Variants in CNTN4 observed in about 807,000 individuals in gnomAD.
CNTN4 encodes the protein contactin 4, also known as contactin-4.
Under a neutral mutation model 122.5 loss-of-function variants are expected in CNTN4, and 77 were observed. The observed-to-expected ratio is 0.63, with a 90% CI of 0.52 to 0.76. The LOEUF is 0.76. Among genes scored for constraint, CNTN4 ranks in the 30% least tolerant of loss-of-function variants. The pLI is 0.00. For missense variants in CNTN4, 1,256 were observed against 1,259.1 expected, an observed-to-expected ratio of 1.00 and a Z score of 0.04; for synonymous variants, 512 against 447.0, an observed-to-expected ratio of 1.15 and a Z score of -1.83.
At chr3:2,988,579 G>A (rs1490465253) in intron 14 of CNTN4, 107 bp downstream of exon 14, 1 of 1,149,688 alleles carries the variant, frequency 8.7e-7, no homozygotes, top group Non-Finnish European at 1.3e-6. Context: ...AGATACCACT[G>A]TATTGCTAAA....
intron 13 of CNTN4, among the ~76,000 whole-genome samples, chr3:2,968,729 C>T (rs1276090231): frequency 1.3e-5 from 2 of 152,176 alleles, no homozygotes; most frequent in African/African-American, 2.4e-5. Flanking sequence ...GACTATATTG[C>T]ATGAGCTTAT....
chr3:2,616,352 C>G (rs2081737717), intron 4 of CNTN4, among the ~76,000 whole-genome samples: 1 of 152,064 alleles, frequency 6.6e-6, no homozygotes, highest in African/African-American at 2.4e-5. Context: ...TGTATATGTA[C>G]CACATTTTCT....
At chr3:2,693,973 C>T (rs999993109) in intron 4 of CNTN4, among the ~76,000 whole-genome samples, 3 of 152,218 alleles carry the variant, frequency 2.0e-5, no homozygotes, top group Admixed American at 2.0e-4. Context: ...TTCTAGGTGC[C>T]TTTCATCTTC....
At chr3:2,176,900 A>G (rs2036771248) in intron 2 of CNTN4, among the ~76,000 whole-genome samples, 1 of 152,174 alleles carries the variant, frequency 6.6e-6, no homozygotes, top group Admixed American at 6.6e-5. Context: ...TTGAGAAACA[A>G]CTTTCCTGTC....
intron 7 of CNTN4, among the ~76,000 whole-genome samples, chr3:2,842,594 C>A (rs1013707213): frequency 1.3e-5 from 2 of 152,190 alleles, no homozygotes; most frequent in East Asian, 3.8e-4. Context: ...ATCTCTACAT[C>A]TTCTCTTTCA....
At chr3:3,044,567 C>G (rs1700450077) in intron 23 of CNTN4, among the ~76,000 whole-genome samples, 1 of 152,154 alleles carries the variant, frequency 6.6e-6, no homozygotes, top group Non-Finnish European at 1.5e-5. Context: ...ACATAGTTGT[C>G]AGCTTCAAGA....
intron 15 of CNTN4, among the ~76,000 whole-genome samples, chr3:3,026,678 G>T (rs531381343): frequency 1.2e-4 from 18 of 152,236 alleles, no homozygotes; most frequent in African/African-American, 4.3e-4. Flanking sequence ...GTTTCCTTCT[G>T]TTTTTAGGCT....
intron 7 of CNTN4, among the ~76,000 whole-genome samples, chr3:2,850,657 C>T (rs539582498): frequency 1.5e-4 from 23 of 152,118 alleles, no homozygotes; most frequent in Non-Finnish European, 3.1e-4. Context: ...ATTCTTCCTC[C>T]CTTACATTGG....
intron 4 of CNTN4, among the ~76,000 whole-genome samples, chr3:2,673,772 G>A (rs563268268): frequency 9.1e-4 from 138 of 152,220 alleles, no homozygotes; most frequent in Admixed American, 2.6e-3. Flanking sequence ...TTGATTTCCC[G>A]ACCTCGTGAT....
intron 12 of CNTN4, among the ~76,000 whole-genome samples, chr3:2,914,192 C>T (rs887853633): frequency 6.6e-6 from 1 of 151,998 alleles, no homozygotes; most frequent in African/African-American, 2.4e-5. Flanking sequence ...TACATGCTTA[C>T]ATTAAAAAAG....
At chr3:2,961,058 G>A (rs1228005865) in intron 13 of CNTN4, among the ~76,000 whole-genome samples, 2 of 143,786 alleles carry the variant, frequency 1.4e-5, no homozygotes, top group East Asian at 2.2e-4. Flanking sequence ...GTGAAACCCC[G>A]TCTCTACTAA....
At chr3:2,314,464 C>T (rs76267100) in intron 2 of CNTN4, among the ~76,000 whole-genome samples, 1,950 of 151,838 alleles carry the variant, frequency 0.013, 48 homozygotes, top group African/African-American at 0.044. Context: ...GTTGGCATTT[C>T]GGTGAAGCTG....
Position 2,385,575 on chromosome 3 carries a change from C to A in CNTN4, c.-89+46342C>A, listed in dbSNP as rs192549224. Among the ~76,000 whole-genome samples, 1 of 152,034 alleles carries A rather than the reference C, an allele frequency of 6.6e-6. No individual in the cohort carries two copies. The highest frequency in any genetic ancestry group is 2.1e-4 in the South Asian group (1 of 4,820). Reference sequence around the variant, plus strand: ...ATCAGGTGTTGGTAGGGCTGTGCTCCGTCTGTAACCTCTAGGGGAGGGTCG... The same window carrying A: ...ATCAGGTGTTGGTAGGGCTGTGCTCAGTCTGTAACCTCTAGGGGAGGGTCG... On this transcript the variant is annotated intron_variant, in intron 3 of 24. Transcript: ENST00000418658. This position sits in a 1 kb window ranked among gnomAD's most constrained non-coding sequence, Gnocchi z 4.0.
intron 6 of CNTN4, among the ~76,000 whole-genome samples, chr3:2,753,970 G>A (rs2090214547): frequency 6.6e-6 from 1 of 152,132 alleles, no homozygotes; most frequent in Non-Finnish European, 1.5e-5. Context: ...TAAAAGTTAA[G>A]ATGCAGATTT....
chr3:2,319,792 C>T (rs561270481), intron 2 of CNTN4, among the ~76,000 whole-genome samples: 9 of 152,102 alleles, frequency 5.9e-5, no homozygotes, highest in Non-Finnish European at 1.0e-4. Flanking sequence ...GGGGTTGGTA[C>T]CCCTACCCTC....
At chr3:2,453,783 G>A (rs527846583) in intron 3 of CNTN4, among the ~76,000 whole-genome samples, 2 of 152,226 alleles carry the variant, frequency 1.3e-5, no homozygotes, top group South Asian at 2.1e-4. Flanking sequence ...TAACTTGAAG[G>A]TCAGTGTTAT....
At chr3:2,192,382 C>G (rs1006066154) in intron 2 of CNTN4, among the ~76,000 whole-genome samples, 2 of 152,112 alleles carry the variant, frequency 1.3e-5, no homozygotes, top group Admixed American at 1.3e-4. Context: ...CACATCCTCT[C>G]CAGCACCTGT....
chr3:2,148,700 G>T (rs1022135340), intron 2 of CNTN4, among the ~76,000 whole-genome samples: 1 of 152,042 alleles, frequency 6.6e-6, no homozygotes. Flanking sequence ...ATTATCAGAT[G>T]ACGAAATTAA....
At chr3:2,641,469 A>C (rs1349187885) in intron 4 of CNTN4, among the ~76,000 whole-genome samples, 2 of 152,186 alleles carry the variant, frequency 1.3e-5, no homozygotes, top group Non-Finnish European at 2.9e-5. Flanking sequence ...TCATTTAAGC[A>C]ATCTTATAAG....
Sources: gnomAD v4.1 joint callset for allele counts (sites outside exome capture counted in the v4.1 genomes callset) on GRCh38, gnomAD v4.1.1 for gene constraint, Gnocchi (gnomAD v3.1) non-coding constraint, MANE v1.5 for transcripts, NCBI Gene and HGNC (gene_info 2026-07-23, HGNC 2026-07-21) for gene names.